DOCK10: variants seen among roughly 807,000 people sequenced by gnomAD.
DOCK10 encodes the protein dedicator of cytokinesis protein 10.
Under a neutral mutation model 280.1 loss-of-function variants are expected in DOCK10, and 145 were observed. The ratio of observed to expected loss-of-function variants is 0.52; its 90% CI spans 0.45 to 0.59. The LOEUF is 0.59. DOCK10 is among the 20% of genes least tolerant of loss of function. The pLI is 0.00. For missense variants in DOCK10, 2,368 were observed against 2,651.7 expected (o/e 0.89, Z 2.35); for synonymous variants, 915 against 942.2 (o/e 0.97, Z 0.53).
chr2:224,856,098 A>G (rs1386413965), intron 15 of DOCK10, among the ~76,000 whole-genome samples: 2 of 152,226 alleles, frequency 1.3e-5, no homozygotes, highest in African/African-American at 4.8e-5. Flanking sequence ...ACTGGCCATC[A>G]GTAGAAGTCC....
intron 38 of DOCK10, 69 bp downstream of exon 38, chr2:224,804,724 CT>C: frequency 9.9e-7 from 1 of 1,015,224 alleles, no homozygotes; most frequent in Non-Finnish European, 1.4e-6. Flanking sequence ...TAACTCTAAC[CT>C]GACACATTAA....
chr2:225,025,821 C>A (rs566042020), intron 1 of DOCK10, among the ~76,000 whole-genome samples: 1 of 152,236 alleles, frequency 6.6e-6, no homozygotes, highest in East Asian at 1.9e-4. Context: ...ATGGTTAGAA[C>A]ATTTTTTAAA....
At chr2:224,830,815 A>G (rs1695174078) in intron 26 of DOCK10, among the ~76,000 whole-genome samples, 2 of 152,254 alleles carry the variant, frequency 1.3e-5, no homozygotes, top group East Asian at 3.9e-4. Context: ...AAACTAAAAC[A>G]AGTTACAAGT....
intron 50 of DOCK10, among the ~76,000 whole-genome samples, chr2:224,783,381 TC>T (rs1233008232): frequency 6.6e-6 from 1 of 151,846 alleles, no homozygotes; most frequent in Non-Finnish European, 1.5e-5. Flanking sequence ...TTCACGCCAT[TC>T]TCCTGCTTCA....
chr2:224,800,321 A>G (rs894694088), intron 40 of DOCK10, 58 bp from the exon 41 acceptor site: 4 of 1,011,168 alleles, frequency 4.0e-6, no homozygotes, highest in Admixed American at 2.3e-5. Flanking sequence ...TGTACCCTAT[A>G]AAGGATTTCC....
Position 224,994,549 on chromosome 2 carries a change from T to C in DOCK10, c.123+47703A>G, listed in dbSNP as rs945236305. Among the ~76,000 whole-genome samples, 63 of 152,194 alleles carry C rather than the reference T, an allele frequency of 4.1e-4. 1 individual carries two copies. On this transcript the variant is annotated intron_variant, in intron 1 of 55. Transcript: ENST00000258390. ...AGATGCAGTACTCACTAAAACATTGTCACAACAAAGATTGCTTCTTTCTAG... is the reference window on the plus strand; with the variant it reads ...AGATGCAGTACTCACTAAAACATTGCCACAACAAAGATTGCTTCTTTCTAG...
rs780419235 is a variant in DOCK10 at position 224,787,258 on chromosome 2, G to A, written c.5541+17C>T. 1.2e-5 allele frequency: 19 copies of A among 1,613,660 alleles called. 1 individual carries two copies. The East Asian group carries it at 2.5e-4, about 21-fold the overall frequency. On this transcript the variant is annotated intron_variant, in intron 49 of 55. Coordinates refer to ENST00000258390, the MANE Select transcript of DOCK10 (RefSeq NM_014689.3). ...ATAGGATATTTTAATTAACTTCTAG[G>A]GGGTTGGAATACATACTTTGAAGTC...
Position 224,845,610 on chromosome 2 carries a change from C to T in DOCK10, c.2268G>A (p.Glu756=), listed in dbSNP as rs750806303. Residue 756 remains glutamate, a synonymous_variant, in exon 20 of 56, where the codon GAG becomes GAA. Transcript: ENST00000258390. ...AAAAAGAAAACAAAATATGGTGTTT[C>T]TCATGGAGTTGTGTTGGTAGCTCAA... ...VKIELPTQLH[E]KHHILFSFYH... 2 of 1,612,916 alleles carry T rather than the reference C, an allele frequency of 1.2e-6. No homozygotes were observed. The highest frequency in any genetic ancestry group is 2.2e-5 in the South Asian group (2 of 90,818).
intron 11 of DOCK10, among the ~76,000 whole-genome samples, chr2:224,873,402 C>T (rs188066011): frequency 3.4e-4 from 51 of 151,972 alleles, no homozygotes; most frequent in African/African-American, 1.1e-3. Context: ...CATGGCAAAA[C>T]CTCATCTGTA....
intron 28 of DOCK10, among the ~76,000 whole-genome samples, chr2:224,820,755 T>C (rs925123943): frequency 8.5e-5 from 13 of 152,244 alleles, no homozygotes; most frequent in Non-Finnish European, 1.2e-4. Flanking sequence ...TTTTAGAGAC[T>C]TGCTTATCCA....
chr2:224,835,599 G>A (rs1039333834), intron 25 of DOCK10, among the ~76,000 whole-genome samples: 2 of 152,208 alleles, frequency 1.3e-5, no homozygotes, highest in African/African-American at 4.8e-5. Flanking sequence ...CCAATCACAG[G>A]ATGATAGAAC....
intron 1 of DOCK10, among the ~76,000 whole-genome samples, chr2:225,041,959 G>A (rs1575182270): frequency 6.6e-6 from 1 of 152,098 alleles, no homozygotes; most frequent in African/African-American, 2.4e-5. Flanking sequence ...GCCCCCTCGC[G>A]CCCCATTAAA....
intron 8 of DOCK10, 60 bp from the exon 9 acceptor site, chr2:224,874,811 A>C (rs141458145): frequency 1.4e-6 from 2 of 1,474,924 alleles, no homozygotes; most frequent in Non-Finnish European, 1.9e-6. Context: ...ACATTCTTCT[A>C]GCCTGTGACA....
At chr2:224,899,672 T>C (rs1700181107) in intron 3 of DOCK10, among the ~76,000 whole-genome samples, 1 of 152,132 alleles carries the variant, frequency 6.6e-6, no homozygotes, top group Non-Finnish European at 1.5e-5. Flanking sequence ...TTTTTATGGC[T>C]ACTTCCAATT....
In DOCK10 at chr2:224,874,304, C is replaced by T. The variant is rs1291347072; in HGVS notation, c.1063G>A (p.Glu355Lys). The change falls in exon 10 of 56, where the codon GAG (glutamate) becomes AAG (lysine). Residue 355 changes from glutamate (E) to lysine (K), a missense_variant. Physicochemically the swap from Glu to Lys is moderately conservative, Grantham distance 56. Coordinates refer to ENST00000258390, the MANE Select transcript of DOCK10 (RefSeq NM_014689.3). ...EDTVKTTRNM[E>K]RLNLFSLDPD... ...TCTAGAGAGAACAGATTTAGCCTCT[C>T]CATGTTTCGAGTTGTTTTTACAGTA... The T allele has an allele frequency of 7.4e-6, 12 of 1,613,348 alleles. No homozygotes were observed. Among genetic ancestry groups the T allele is most frequent in the Non-Finnish European group, 1.0e-5 (12 of 1,179,646 alleles).
chr2:224,905,659 A>G (rs1456256022), intron 3 of DOCK10, among the ~76,000 whole-genome samples: 2 of 152,176 alleles, frequency 1.3e-5, no homozygotes, highest in African/African-American at 4.8e-5. Flanking sequence ...GTAAAGGGAC[A>G]CCAATACCCA....
At chr2:225,002,679 A>G (rs1160543761) in intron 1 of DOCK10, among the ~76,000 whole-genome samples, 2 of 152,188 alleles carry the variant, frequency 1.3e-5, no homozygotes, top group African/African-American at 4.8e-5. Flanking sequence ...GTAAACATCC[A>G]CATATGCAGA....
At chr2:224,779,073 A>G (rs1691097762) in intron 50 of DOCK10, among the ~76,000 whole-genome samples, 1 of 152,134 alleles carries the variant, frequency 6.6e-6, no homozygotes, top group African/African-American at 2.4e-5. Context: ...GGGGGAAGGG[A>G]AGATTCTATT....
At chr2:224,968,747 T>A (rs1704913474) in intron 1 of DOCK10, among the ~76,000 whole-genome samples, 1 of 152,254 alleles carries the variant, frequency 6.6e-6, no homozygotes, top group Admixed American at 6.5e-5. Context: ...GGTTAATGGA[T>A]GTAACATCAT....
Sources: allele counts gnomAD v4.1 joint callset (sites outside exome capture counted in the v4.1 genomes callset), GRCh38; gene constraint gnomAD v4.1.1; transcripts MANE v1.5; gene names NCBI Gene and HGNC (gene_info 2026-07-23, HGNC 2026-07-21).